The following MBP variants were observed in gnomAD, a reference collection of about 807,000 sequenced individuals.
The protein encoded by MBP is myelin basic protein.
In MBP, 16 loss-of-function variants were observed where a neutral mutation model predicts 35.8. That is an observed-to-expected ratio of 0.45 (90% CI 0.30 to 0.68). The LOEUF is 0.68. MBP is among the 30% of genes least tolerant of loss of function. The pLI is 0.08. For synonymous variants in MBP, 143 were observed against 159.6 expected (o/e 0.90, Z 0.78); for missense variants, 380 against 404.7 (o/e 0.94, Z 0.52).
intron 4 of MBP, chr18:77,014,296 G>A (rs1157568969): frequency 1.0e-5 from 10 of 985,432 alleles, no homozygotes; most frequent in Non-Finnish European, 1.2e-5. Flanking sequence ...GTGCCCTCAA[G>A]GGGAGGGAGG....
intron 4 of MBP, among the ~76,000 whole-genome samples, chr18:76,997,242 G>C (rs552575806): frequency 1.6e-4 from 25 of 152,232 alleles, no homozygotes; most frequent in African/African-American, 5.3e-4. Context: ...ACAAGGTGGA[G>C]CTCAGCAAAT....
intron 2 of MBP, among the ~76,000 whole-genome samples, chr18:77,103,215 G>A (rs1329776413): frequency 6.6e-6 from 1 of 152,132 alleles, no homozygotes; most frequent in Admixed American, 6.5e-5. Flanking sequence ...ATCAGAGAAG[G>A]CCCCATTTCT....
chr18:77,088,279 GCGTCCA>G (rs1975347991), intron 2 of MBP, among the ~76,000 whole-genome samples: 1 of 152,186 alleles, frequency 6.6e-6, no homozygotes, highest in South Asian at 2.1e-4. Flanking sequence ...CCTTCCAGCT[GCGTCCA>G]CGTCCAGCAG....
In MBP at chr18:77,057,590, G is replaced by A. The variant is rs190103844; in HGVS notation, c.139+8708C>T. 9.5e-4 allele frequency among the ~76,000 whole-genome samples: 144 copies of A among 152,284 alleles called. No homozygotes were observed. In the East Asian group the frequency reaches 0.02, roughly 22 times the overall value. The stretch of plus-strand genomic sequence containing the variant: ...AGGACAAGGAGAGAGGAGCTCCCGC[G>A]ACTGCCAGGTCCAAATGGAATTTTA... On this transcript the variant is annotated intron_variant, in intron 3 of 8. Transcript: ENST00000355994.
chr18:77,054,341 C>T (rs1035678916), intron 3 of MBP, among the ~76,000 whole-genome samples: 8 of 152,232 alleles, frequency 5.3e-5, no homozygotes, highest in East Asian at 1.9e-4. Flanking sequence ...AGCTCACCCC[C>T]GGATATCTGG....
chr18:77,112,490 C>T (rs949821176), intron 1 of MBP: 1 of 152,160 alleles, frequency 6.6e-6, no homozygotes, highest in Non-Finnish European at 1.5e-5. Flanking sequence ...TTTCCAACAT[C>T]GGTGCAAAGG....
intron 1 of MBP, chr18:77,128,006 C>T (rs746088375): frequency 4.6e-5 from 7 of 152,302 alleles, no homozygotes; most frequent in Non-Finnish European, 8.8e-5. Context: ...CATGTGCTAA[C>T]CATATGACTC....
chr18:76,989,973 G>A lies in MBP; in HGVS notation c.664C>T (p.His222Tyr). Residue 222 changes from histidine (H) to tyrosine (Y), a missense_variant, in exon 5 of 9, where the codon CAC becomes TAC. By Grantham distance (83) the His-to-Tyr change is moderately conservative. Coordinates refer to ENST00000355994, the MANE Select transcript of MBP (RefSeq NM_001025101.2). This position sits in a 1 kb window ranked among gnomAD's most constrained non-coding sequence, Gnocchi z 4.0. ...GRTQDENPVV[H>Y]FFKNIVTPRT... is the part of the protein sequence containing the mutation. ...TCACTTACAATGTTCTTGAAGAAGT[G>A]GACTACGGGGTTTTCATCTTGGGTC... 1 of 1,612,038 alleles carries A rather than the reference G, an allele frequency of 6.2e-7. No homozygotes were observed. Among genetic ancestry groups the A allele is most frequent in the Non-Finnish European group, 8.5e-7 (1 of 1,179,640 alleles).
At chr18:77,099,557 C>T (rs577479413) in intron 2 of MBP, among the ~76,000 whole-genome samples, 4 of 152,248 alleles carry the variant, frequency 2.6e-5, no homozygotes, top group African/African-American at 7.2e-5. Context: ...GACGCTCCCA[C>T]GCAAGGATCG....
At chr18:77,132,348 G>T (rs1359664337) in intron 1 of MBP, among the ~76,000 whole-genome samples, 1 of 152,134 alleles carries the variant, frequency 6.6e-6, no homozygotes, top group Admixed American at 6.5e-5. Context: ...GGAGGCCGCC[G>T]GCTGCTACCT....
At chr18:76,994,407 C>CTT (rs1970153250) in intron 4 of MBP, among the ~76,000 whole-genome samples, 1 of 152,110 alleles carries the variant, frequency 6.6e-6, no homozygotes, top group South Asian at 2.1e-4. Context: ...AAAGAAAAAA[C>CTT]TTAGGGTTAG....
intron 4 of MBP, among the ~76,000 whole-genome samples, chr18:76,995,747 A>G (rs1279841299): frequency 8.5e-5 from 13 of 152,340 alleles, no homozygotes. Flanking sequence ...AGAAGCAGCC[A>G]TAGGAGAAAA....
At chr18:76,999,925 T>C (rs574713833) in intron 4 of MBP, among the ~76,000 whole-genome samples, 1 of 152,252 alleles carries the variant, frequency 6.6e-6, no homozygotes, top group African/African-American at 2.4e-5. Flanking sequence ...TCTTTGTGGG[T>C]GATTAAAAGC....
At chr18:77,016,343 T>A in intron 4 of MBP, 2 of 986,086 alleles carry the variant, frequency 2.0e-6, no homozygotes, top group Non-Finnish European at 2.4e-6. Context: ...AATTGAGGAG[T>A]TTGTTCAAAA....
At chr18:76,993,550 CAAAAAAA>C (rs60296914) in intron 4 of MBP, among the ~76,000 whole-genome samples, 1 of 112,836 alleles carries the variant, frequency 8.9e-6, no homozygotes, top group Non-Finnish European at 1.9e-5. Context: ...ACTTTGTCTC[CAAAAAAA>C]AAAAAAAAAA....
At chr18:77,007,368 G>A (rs1971043982) in intron 4 of MBP, among the ~76,000 whole-genome samples, 1 of 152,180 alleles carries the variant, frequency 6.6e-6, no homozygotes, top group Non-Finnish European at 1.5e-5. Context: ...CCGTCTTCGG[G>A]CAGGGGCACC....
intron 3 of MBP, among the ~76,000 whole-genome samples, chr18:77,064,709 G>T (rs1185591959): frequency 3.9e-5 from 6 of 152,184 alleles, no homozygotes; most frequent in African/African-American, 1.4e-4. Context: ...GAAATATAAA[G>T]AAAGGCCTTT....
chr18:77,050,302 G>C (rs1039820894), intron 3 of MBP, among the ~76,000 whole-genome samples: 3 of 152,204 alleles, frequency 2.0e-5, no homozygotes, highest in Admixed American at 6.5e-5. Context: ...GAGAAAGGCA[G>C]TTGCAAAAGC....
In MBP at chr18:76,978,848, A is replaced by ATTGT. The variant is rs1483467541; in HGVS notation, c.*1575_*1578dup. 1 of 152,096 alleles carries ATTGT rather than the reference A, an allele frequency of 6.6e-6. No individual in the cohort carries two copies. The highest frequency in any genetic ancestry group is 2.4e-5 in the African/African-American group (1 of 41,404). The allele number at this position is 152,096 out of a possible 1,614,324, so 9.4% of individuals were successfully genotyped here. ...CCCATGCAAATACCATTAAAAGTTTATTGTTTTATTTCAATATTCAGGAAC... is the reference window on the plus strand; with the variant it reads ...CCCATGCAAATACCATTAAAAGTTTATTGTTTGTTTTATTTCAATATTCAGGAAC... On this transcript the variant is annotated 3_prime_UTR_variant, in exon 9 of 9. Coordinates refer to ENST00000355994, the MANE Select transcript of MBP (RefSeq NM_001025101.2).
Sources: gnomAD v4.1 joint callset for allele counts (sites outside exome capture counted in the v4.1 genomes callset) on GRCh38, gnomAD v4.1.1 for gene constraint, Gnocchi (gnomAD v3.1) non-coding constraint, MANE v1.5 for transcripts, NCBI Gene and HGNC (gene_info 2026-07-23, HGNC 2026-07-21) for gene names.